The following ADAMTSL1 variants were observed in gnomAD, a reference collection of about 807,000 sequenced individuals.
The protein encoded by ADAMTSL1 is ADAMTS like 1, also known as ADAMTS-like protein 1.
A neutral mutation model predicts 201.8 loss-of-function variants in ADAMTSL1; 126 were observed. The observed-to-expected ratio is 0.62, with a 90% CI of 0.54 to 0.72. The LOEUF is 0.72. ADAMTSL1 is among the 30% of genes least tolerant of loss of function. The probability of loss-of-function intolerance (pLI) is 0.00; values close to 1 mark genes in which losing one functional copy is unlikely to be tolerated. For missense variants in ADAMTSL1, 2,679 were observed against 2,277.8 expected (o/e 1.18, Z -3.59); for synonymous variants, 1,121 against 903.4 (o/e 1.24, Z -4.32).
chr9:18,711,383 G>A (rs149077291), intron 14 of ADAMTSL1, among the ~76,000 whole-genome samples: 13,111 of 152,232 alleles, frequency 0.086, 756 homozygotes, highest in Middle Eastern at 0.13. Context: ...AGGTCAGTGG[G>A]TGAGCACACC....
chr9:18,516,522 A>G, intron 2 of ADAMTSL1, among the ~76,000 whole-genome samples: 1 of 152,192 alleles, frequency 6.6e-6, no homozygotes, highest in East Asian at 1.9e-4. Context: ...GGAGAGAACC[A>G]CATGTTGTGG....
intron 2 of ADAMTSL1, among the ~76,000 whole-genome samples, chr9:18,314,997 C>T (rs932547805): frequency 6.6e-5 from 10 of 150,500 alleles, no homozygotes; most frequent in Admixed American, 2.6e-4. Flanking sequence ...GGGGTTTCAC[C>T]GTGTTAGCCA....
At chr9:18,484,780 T>C (rs1424471210) in intron 1 of ADAMTSL1, among the ~76,000 whole-genome samples, 1 of 152,176 alleles carries the variant, frequency 6.6e-6, no homozygotes, top group African/African-American at 2.4e-5. Flanking sequence ...GATCAGTGGG[T>C]TTTGCCCATT....
rs181493114 is a variant in ADAMTSL1 at position 18,496,331 on chromosome 9, T to C, written c.64-8498T>C. 3.2e-3 allele frequency among the ~76,000 whole-genome samples: 494 copies of C among 152,312 alleles called. 19 individuals are homozygous for C. Among genetic ancestry groups the C allele is most frequent in the Admixed American group, 0.031 (476 of 15,288 alleles). ...GAATGTAAAAAAGAAGAAAGCATAATATTAAGCCAGGGAGAATGTTTTAAA... is the reference window on the plus strand; with the variant it reads ...GAATGTAAAAAAGAAGAAAGCATAACATTAAGCCAGGGAGAATGTTTTAAA... On this transcript the variant is annotated intron_variant, in intron 1 of 28. Transcript: ENST00000380548.
chr9:18,296,402 G>C (rs1414947152), intron 2 of ADAMTSL1, among the ~76,000 whole-genome samples: 3 of 152,022 alleles, frequency 2.0e-5, no homozygotes, highest in African/African-American at 4.8e-5. Context: ...TTTTATCTTA[G>C]ATTTGATAAT....
At chr9:18,330,532 AT>A (rs1194663977) in intron 2 of ADAMTSL1, among the ~76,000 whole-genome samples, 1 of 151,676 alleles carries the variant, frequency 6.6e-6, no homozygotes, top group African/African-American at 2.4e-5. Context: ...TGATGTTATC[AT>A]TCCGAGATGA....
chr9:18,753,578 C>G, intron 16 of ADAMTSL1, 70 bp downstream of exon 16: 6 of 1,520,924 alleles, frequency 3.9e-6, no homozygotes, highest in Non-Finnish European at 4.4e-6. Context: ...GATGCTCTCT[C>G]AGAGTGGTTT....
intron 2 of ADAMTSL1, among the ~76,000 whole-genome samples, chr9:18,223,544 A>C (rs552273212): frequency 2.6e-5 from 4 of 152,164 alleles, no homozygotes; most frequent in African/African-American, 9.6e-5. Flanking sequence ...TAATCTCTTT[A>C]AATCTGACTT....
At chr9:18,299,770 T>C (rs1833627958) in intron 2 of ADAMTSL1, among the ~76,000 whole-genome samples, 1 of 152,172 alleles carries the variant, frequency 6.6e-6, no homozygotes, top group South Asian at 2.1e-4. Context: ...GCTAGGCCAA[T>C]AAGAGTGGAA....
At chr9:18,711,995 C>A (rs1430766416) in intron 14 of ADAMTSL1, among the ~76,000 whole-genome samples, 1 of 147,604 alleles carries the variant, frequency 6.8e-6, no homozygotes, top group Non-Finnish European at 1.5e-5. Context: ...AGACTGACAC[C>A]TCACACGGCC....
intron 23 of ADAMTSL1, among the ~76,000 whole-genome samples, chr9:18,860,713 T>C (rs1827160922): frequency 2.0e-5 from 3 of 152,002 alleles, no homozygotes; most frequent in African/African-American, 2.4e-5. Flanking sequence ...GGAAAAAATC[T>C]CATTACTGTA....
At chr9:18,906,367 G>A (rs1018273389) in intron 27 of ADAMTSL1, among the ~76,000 whole-genome samples, 6 of 152,126 alleles carry the variant, frequency 3.9e-5, no homozygotes, top group Non-Finnish European at 8.8e-5. Flanking sequence ...CCTGGGGCAC[G>A]GGGACTCACC....
intron 16 of ADAMTSL1, among the ~76,000 whole-genome samples, chr9:18,757,708 C>T (rs1819853268): frequency 6.6e-6 from 1 of 152,162 alleles, no homozygotes; most frequent in Admixed American, 6.5e-5. Flanking sequence ...CAGGGGCAGA[C>T]AGCTAACTTA....
At chr9:18,851,623 C>T (rs1432293634) in intron 23 of ADAMTSL1, among the ~76,000 whole-genome samples, 4 of 152,062 alleles carry the variant, frequency 2.6e-5, no homozygotes, top group African/African-American at 9.7e-5. Context: ...TCAGGGTTGG[C>T]GTGGGGTTTT....
At chr9:18,500,001 C>A (rs546833751) in intron 1 of ADAMTSL1, among the ~76,000 whole-genome samples, 22 of 152,234 alleles carry the variant, frequency 1.4e-4, no homozygotes, top group African/African-American at 5.3e-4. Flanking sequence ...TCTTTTATTG[C>A]TAATTTCTGC....
chr9:18,724,945 T>C (rs1464481491), intron 15 of ADAMTSL1, among the ~76,000 whole-genome samples: 4 of 152,026 alleles, frequency 2.6e-5, no homozygotes, highest in Admixed American at 6.6e-5. Flanking sequence ...CTCGCTCTGT[T>C]GCCCAGGCTG....
intron 3 of ADAMTSL1, among the ~76,000 whole-genome samples, chr9:18,537,999 A>G (rs1819897448): frequency 6.6e-6 from 1 of 150,732 alleles, no homozygotes; most frequent in South Asian, 2.1e-4. Flanking sequence ...GAAGAAGAAG[A>G]AGAAGGAGGA....
intron 5 of ADAMTSL1, among the ~76,000 whole-genome samples, chr9:18,627,859 C>T (rs909711213): frequency 2.0e-5 from 3 of 152,158 alleles, no homozygotes; most frequent in African/African-American, 7.2e-5. Flanking sequence ...GAGAGGGATA[C>T]ATTAGTCTAC....
intron 1 of ADAMTSL1, among the ~76,000 whole-genome samples, chr9:17,948,231 AAAC>A (rs779805587): frequency 1.3e-5 from 2 of 152,200 alleles, no homozygotes; most frequent in African/African-American, 2.4e-5. Context: ...ATATATGATA[AAAC>A]CACTGTAGCA....
Sources: allele counts gnomAD v4.1 joint callset (sites outside exome capture counted in the v4.1 genomes callset), GRCh38; gene constraint gnomAD v4.1.1; transcripts MANE v1.5; gene names NCBI Gene and HGNC (gene_info 2026-07-23, HGNC 2026-07-21).